The following EML1 variants were observed in gnomAD, a reference collection of about 807,000 sequenced individuals.
The protein encoded by EML1 is echinoderm microtubule-associated protein-like 1.
A neutral mutation model predicts 110.4 loss-of-function variants in EML1; 27 were observed. The observed-to-expected ratio is 0.24, with a 90% CI of 0.18 to 0.34. The LOEUF (loss-of-function observed/expected upper bound fraction) is 0.34, where lower values mean the gene tolerates loss of function less well. EML1 is among the 10% of genes least tolerant of loss of function. The pLI, the probability that EML1 is intolerant of heterozygous loss-of-function variation, is 1.00. For missense variants in EML1, 741 were observed against 1,030.9 expected (o/e 0.72, Z 3.85); for synonymous variants, 344 against 385.8 (o/e 0.89, Z 1.27).
In EML1 at chr14:99,878,541, G is replaced by A. The variant is rs2059332412; in HGVS notation, c.440G>A (p.Ser147Asn). ...ERVSPGGRRE[S>N]NGDSRGNRNR... ...GTGTCTCCTGGGGGTCGAAGGGAAAGCAATGGGGATTCCAGAGGAAACCGG... is the reference window on the plus strand; with the variant it reads ...GTGTCTCCTGGGGGTCGAAGGGAAAACAATGGGGATTCCAGAGGAAACCGG... Residue 147 changes from serine (S) to asparagine (N), a missense_variant, in exon 4 of 22, where the codon AGC becomes AAC. Ser to Asn is a conservative substitution (Grantham distance 46). Coordinates refer to ENST00000262233, the MANE Select transcript of EML1 (RefSeq NM_004434.3). 2.5e-6 allele frequency: 4 copies of A among 1,614,166 alleles called. No homozygotes were observed. The highest frequency in any genetic ancestry group is 2.7e-5 in the African/African-American group (2 of 75,034).
At position 99,909,780 on chromosome 14, in the gene EML1, G is replaced by C. The variant is rs144975992; in HGVS notation, c.1239+301G>C. Among the ~76,000 whole-genome samples the C allele has an allele frequency of 6.1e-3, 936 of 152,310 alleles. 11 individuals are homozygous for C. The highest frequency in any genetic ancestry group is 0.021 in the African/African-American group (890 of 41,562). ...AGGCAGGCAACCTGCCTTTGCAAAA[G>C]ACATTAGAGACTCCCTGTGCCTTTT... On this transcript the variant is annotated intron_variant, in intron 11 of 21. Coordinates refer to ENST00000262233, the MANE Select transcript of EML1 (RefSeq NM_004434.3).
At chr14:99,797,310 T>C (rs902535614) in intron 1 of EML1, among the ~76,000 whole-genome samples, 4 of 152,250 alleles carry the variant, frequency 2.6e-5, no homozygotes, top group Non-Finnish European at 4.4e-5. Flanking sequence ...TTATATTCCC[T>C]TGTGGAGAGA....
intron 3 of EML1, chr14:99,875,004 T>C (rs753905973): frequency 1.2e-6 from 2 of 1,612,380 alleles, no homozygotes; most frequent in South Asian, 2.2e-5. Flanking sequence ...GGAACTTAGA[T>C]TTACTTTGTC....
At chr14:99,932,403 C>T (rs1324691820) in intron 17 of EML1, among the ~76,000 whole-genome samples, 5 of 151,802 alleles carry the variant, frequency 3.3e-5, no homozygotes, top group East Asian at 3.9e-4. Flanking sequence ...TTTGGGAGGC[C>T]GAGGCAAGTG....
chr14:99,871,959 G>A (rs1399505411), intron 3 of EML1, among the ~76,000 whole-genome samples: 1 of 152,150 alleles, frequency 6.6e-6, no homozygotes, highest in African/African-American at 2.4e-5. Context: ...CATTGTGCTC[G>A]GCTGCTTCCC....
At chr14:99,920,919 CT>C in intron 17 of EML1, 42 bp downstream of exon 17, 1 of 1,568,072 alleles carries the variant, frequency 6.4e-7, no homozygotes. Context: ...TTTTAATCAA[CT>C]TTTATTTTAA....
At chr14:99,801,540 G>A (rs1402180751) in intron 1 of EML1, among the ~76,000 whole-genome samples, 7 of 152,026 alleles carry the variant, frequency 4.6e-5, no homozygotes, top group East Asian at 3.9e-4. Flanking sequence ...GCGTGAACCC[G>A]GGAGGCAGAG....
intron 1 of EML1, among the ~76,000 whole-genome samples, chr14:99,829,764 T>C (rs2058419315): frequency 6.6e-6 from 1 of 152,238 alleles, no homozygotes; most frequent in Non-Finnish European, 1.5e-5. Context: ...ATACTAGTCT[T>C]TTTGTGACTG....
intron 1 of EML1, among the ~76,000 whole-genome samples, chr14:99,780,108 G>GAT (rs201697813): frequency 6.6e-6 from 1 of 151,994 alleles, no homozygotes; most frequent in Non-Finnish European, 1.5e-5. Context: ...GAAAGTAAGA[G>GAT]ATATATCTCT....
chr14:99,850,409 G>A (rs767348881), intron 1 of EML1: 21 of 1,211,814 alleles, frequency 1.7e-5, no homozygotes, highest in Non-Finnish European at 2.2e-5. Context: ...AGTCTTGACC[G>A]ATGGATAGGG....
intron 1 of EML1, among the ~76,000 whole-genome samples, chr14:99,748,916 G>T (rs1242308797): frequency 6.6e-6 from 1 of 152,174 alleles, no homozygotes; most frequent in Admixed American, 6.5e-5. Context: ...CCTGTAACAC[G>T]TGGCCTTTTG....
At chr14:99,922,552 T>C (rs1209304475) in intron 17 of EML1, among the ~76,000 whole-genome samples, 1 of 152,242 alleles carries the variant, frequency 6.6e-6, no homozygotes, top group African/African-American at 2.4e-5. Context: ...TATGGTAAAC[T>C]TATGTTTAAC....
rs1381514617 is a variant in EML1, at chr14:99,939,984, C to T, written c.2323-3C>T. 2.5e-6 allele frequency: 4 copies of T among 1,570,254 alleles called. No homozygotes were observed. The highest frequency in any genetic ancestry group is 3.5e-6 in the Non-Finnish European group (4 of 1,158,564). On this transcript the variant is annotated splice_polypyrimidine_tract_variant and splice_region_variant and intron_variant, in intron 21 of 21. Transcript: ENST00000262233. The surrounding 1 kb of genome is among the most constrained non-coding windows in gnomAD (Gnocchi z 4.2). Reference sequence around the variant, plus strand: ...AAGCTTTCCCCCGTATCATTCCCTCCAGGCTCCAAGCCACATCTACGGCGG... The same window carrying T: ...AAGCTTTCCCCCGTATCATTCCCTCTAGGCTCCAAGCCACATCTACGGCGG...
Position 99,840,923 on chromosome 14 carries a change from C to T in EML1, c.68-9930C>T, listed in dbSNP as rs2058622262. Among the ~76,000 whole-genome samples, 4 of 152,254 alleles carry T rather than the reference C, an allele frequency of 2.6e-5. No individual in the cohort carries two copies. In the Middle Eastern group the frequency reaches 0.014, roughly 518 times the overall value. On this transcript the variant is annotated intron_variant, in intron 1 of 21. Transcript: ENST00000262233. ...ACTTCAAAGTCAGATCTGTAAATAGCTACATGAGGACCTATGGTAAAAGCA... is the reference window on the plus strand; with the variant it reads ...ACTTCAAAGTCAGATCTGTAAATAGTTACATGAGGACCTATGGTAAAAGCA...
chr14:99,916,049 G>A (rs1566936108), intron 15 of EML1, among the ~76,000 whole-genome samples: 1 of 152,252 alleles, frequency 6.6e-6, no homozygotes, highest in Non-Finnish European at 1.5e-5. Context: ...AGGGAACAGT[G>A]TTATATGTTC....
Position 99,881,096 on chromosome 14 carries a change from C to T in EML1, c.518+2477C>T, listed in dbSNP as rs73360314. Among the ~76,000 whole-genome samples, 701 of 152,266 alleles carry T rather than the reference C, an allele frequency of 4.6e-3. 7 individuals carry two copies. The highest frequency in any genetic ancestry group is 0.016 in the African/African-American group (661 of 41,542). ...AGCTCACAGTTCTTAAATAAGGCATCGGGCGGGAGCTGGTCTGTGGGCTGC... is the reference window on the plus strand; with the variant it reads ...AGCTCACAGTTCTTAAATAAGGCATTGGGCGGGAGCTGGTCTGTGGGCTGC... On this transcript the variant is annotated intron_variant, in intron 4 of 21. Transcript: ENST00000262233.
At chr14:99,745,126 G>A (rs957251236) in intron 1 of EML1, among the ~76,000 whole-genome samples, 2 of 152,106 alleles carry the variant, frequency 1.3e-5, no homozygotes. Flanking sequence ...GAGTGCAGTG[G>A]CACATCTCGG....
intron 1 of EML1, among the ~76,000 whole-genome samples, chr14:99,765,611 A>AT (rs1185441976): frequency 1.1e-4 from 16 of 151,840 alleles, no homozygotes; most frequent in African/African-American, 3.9e-4. Context: ...CTATATATAT[A>AT]TATATTTTTT....
intron 20 of EML1, 74 bp downstream of exon 20, chr14:99,937,986 G>A: frequency 6.9e-7 from 1 of 1,451,814 alleles, no homozygotes; most frequent in Non-Finnish European, 9.6e-7. Flanking sequence ...AGTTGCTACG[G>A]AGTCTCATGG....
Sources: allele counts gnomAD v4.1 joint callset (sites outside exome capture counted in the v4.1 genomes callset), GRCh38; gene constraint gnomAD v4.1.1; non-coding constraint Gnocchi (gnomAD v3.1); transcripts MANE v1.5; gene names NCBI Gene and HGNC (gene_info 2026-07-23, HGNC 2026-07-21).